The following SV2B variants were observed in gnomAD, a reference collection of about 807,000 sequenced individuals.
SV2B encodes synaptic vesicle glycoprotein 2B.
A neutral mutation model predicts 73.9 loss-of-function variants in SV2B; 41 were observed. That is an observed-to-expected ratio of 0.56 (90% CI 0.43 to 0.72). SV2B has a LOEUF of 0.72. Ranked by LOEUF, SV2B falls within the 30% of genes least tolerant of loss-of-function variation. The pLI is 0.00. For synonymous variants in SV2B, 314 were observed against 314.2 expected (o/e 1.00, Z 0.01); for missense variants, 764 against 857.8 (o/e 0.89, Z 1.37).
rs371080571 is a variant in SV2B, at chr15:91,245,263, C to T, written c.452-6556C>T. ...GTTGATCTCCTTCGATCTCATGATT[C>T]GATTTCTTGGAATCTATTCTGAGCA... On this transcript the variant is annotated intron_variant, in intron 2 of 12. Coordinates refer to ENST00000394232, the MANE Select transcript of SV2B (RefSeq NM_001323032.3). This position sits in a 1 kb window ranked among gnomAD's most constrained non-coding sequence, Gnocchi z 4.2. 1.4e-4 allele frequency among the ~76,000 whole-genome samples: 22 copies of T among 152,262 alleles called. No homozygotes were observed. The highest frequency in any genetic ancestry group is 1.4e-3 in the East Asian group (7 of 5,178).
intron 1 of SV2B, among the ~76,000 whole-genome samples, chr15:91,101,328 C>T (rs559852177): frequency 6.6e-6 from 1 of 152,222 alleles, no homozygotes; most frequent in African/African-American, 2.4e-5. Context: ...TGTGTTTCTG[C>T]TTCCTGCCCT....
chr15:91,150,354 G>A (rs962105871), intron 1 of SV2B, among the ~76,000 whole-genome samples: 4 of 152,146 alleles, frequency 2.6e-5, no homozygotes, highest in African/African-American at 7.2e-5. Flanking sequence ...ACAGCTGTTG[G>A]TAGGGTTTGG....
chr15:91,185,059 T>C (rs1421837847), intron 1 of SV2B, among the ~76,000 whole-genome samples: 2 of 152,220 alleles, frequency 1.3e-5, no homozygotes, highest in Non-Finnish European at 2.9e-5. Flanking sequence ...TCCATCCAAT[T>C]GAATATCAGT....
intron 1 of SV2B, among the ~76,000 whole-genome samples, chr15:91,184,810 A>C (rs567229850): frequency 1.3e-5 from 2 of 152,342 alleles, no homozygotes; most frequent in African/African-American, 4.8e-5. Context: ...TGCTGGTTTA[A>C]AAACTCTAAG....
chr15:91,196,966 A>G (rs1377699033), intron 1 of SV2B, among the ~76,000 whole-genome samples: 1 of 152,180 alleles, frequency 6.6e-6, no homozygotes, highest in African/African-American at 2.4e-5. Context: ...ACACTTCACA[A>G]ACAGCACTGC....
rs2042400954 is a variant in SV2B, at chr15:91,123,709, G to C, written c.-392+23346G>C. On this transcript the variant is annotated intron_variant, in intron 1 of 12. Transcript: ENST00000394232. The surrounding 1 kb of genome is among the most constrained non-coding windows in gnomAD (Gnocchi z 4.7). The stretch of plus-strand genomic sequence containing the variant: ...AGTAGACGTGAGGAGCGGTAGAGTT[G>C]TGATGCAGGTCTTCGGACTCCTCAT... 6.6e-6 allele frequency among the ~76,000 whole-genome samples: 1 copy of C among 152,188 alleles called. No individual in the cohort carries two copies. Among genetic ancestry groups the C allele is most frequent in the African/African-American group, 2.4e-5 (1 of 41,452 alleles).
intron 1 of SV2B, among the ~76,000 whole-genome samples, chr15:91,182,875 C>T (rs752351265): frequency 5.9e-5 from 9 of 152,172 alleles, no homozygotes; most frequent in African/African-American, 1.2e-4. Context: ...CACACAACTG[C>T]CAAGTTTGGA....
chr15:91,193,786 G>T (rs913682140), intron 1 of SV2B, among the ~76,000 whole-genome samples: 4 of 152,262 alleles, frequency 2.6e-5, no homozygotes, highest in Admixed American at 1.3e-4. Context: ...CACTGGAATG[G>T]ACTTAAATGA....
Position 91,255,433 on chromosome 15 carries a change from G to A in SV2B, c.784+2913G>A, listed in dbSNP as rs536519561. ...GGAGCTAAGCTATGAGGATGCAAAG[G>A]CATAAGAATGACACAAGGGACTCTG... On this transcript the variant is annotated intron_variant, in intron 4 of 12. Transcript: ENST00000394232. Among the ~76,000 whole-genome samples the A allele has an allele frequency of 3.9e-5, 6 of 152,266 alleles. No homozygotes were observed. In the South Asian group the frequency reaches 1.2e-3, roughly 32 times the overall value.
chr15:91,187,198 G>A (rs2044806102), intron 1 of SV2B, among the ~76,000 whole-genome samples: 1 of 152,184 alleles, frequency 6.6e-6, no homozygotes, highest in South Asian at 2.1e-4. Flanking sequence ...ATTGTTGGAG[G>A]TGAATAATTT....
rs1168280576 is a variant in SV2B at position 91,123,761 on chromosome 15, G to A, written c.-392+23398G>A. On this transcript the variant is annotated intron_variant, in intron 1 of 12. Transcript: ENST00000394232. This position sits in a 1 kb window ranked among gnomAD's most constrained non-coding sequence, Gnocchi z 4.7. Reference sequence around the variant, plus strand: ...CACTACTCCTTTCTCTATTCTGGGCGTGTCTTCACTGAAGGTCTCCAGAGA... The same window carrying A: ...CACTACTCCTTTCTCTATTCTGGGCATGTCTTCACTGAAGGTCTCCAGAGA... Among the ~76,000 whole-genome samples, 3 of 152,152 alleles carry A rather than the reference G, an allele frequency of 2.0e-5. No individual in the cohort carries two copies. Among genetic ancestry groups the A allele is most frequent in the South Asian group, 2.1e-4 (1 of 4,830 alleles).
In SV2B at chr15:91,100,856, G is replaced by T. The variant is rs2041703042; in HGVS notation, c.-392+493G>T. 6.6e-6 allele frequency among the ~76,000 whole-genome samples: 1 copy of T among 152,224 alleles called. No individual in the cohort carries two copies. The highest frequency in any genetic ancestry group is 6.5e-5 in the Admixed American group (1 of 15,278). On this transcript the variant is annotated intron_variant, in intron 1 of 12. Transcript: ENST00000394232. The surrounding 1 kb of genome is among the most constrained non-coding windows in gnomAD (Gnocchi z 6.4). Reference sequence around the variant, plus strand: ...TGTATGTGCAGGGCGCCCTCCGTGGGCGTGGGAGCCGTTTCTTAGGGACAC... The same window carrying T: ...TGTATGTGCAGGGCGCCCTCCGTGGTCGTGGGAGCCGTTTCTTAGGGACAC...
In SV2B at chr15:91,241,830, A is replaced by T. The variant is rs533791017; in HGVS notation, c.452-9989A>T. Among the ~76,000 whole-genome samples the T allele has an allele frequency of 3.8e-4, 58 of 152,280 alleles. No homozygotes were observed. The South Asian group carries it at 7.3e-3, about 19-fold the overall frequency. Reference sequence around the variant, plus strand: ...TTTATCTCTCTATGGAATCATTCCCACCAGCACACTACACATTTCTTCAGT... The same window carrying T: ...TTTATCTCTCTATGGAATCATTCCCTCCAGCACACTACACATTTCTTCAGT... On this transcript the variant is annotated intron_variant, in intron 2 of 12. Coordinates refer to ENST00000394232, the MANE Select transcript of SV2B (RefSeq NM_001323032.3). The surrounding 1 kb of genome is among the most constrained non-coding windows in gnomAD (Gnocchi z 4.8).
chr15:91,193,071 CT>C (rs2045103206), intron 1 of SV2B, among the ~76,000 whole-genome samples: 1 of 152,232 alleles, frequency 6.6e-6, no homozygotes, highest in Admixed American at 6.5e-5. Flanking sequence ...GTCCCTTCGA[CT>C]CAGTTCAGCA....
chr15:91,198,344 A>C (rs2045328787), intron 1 of SV2B, among the ~76,000 whole-genome samples: 1 of 152,190 alleles, frequency 6.6e-6, no homozygotes, highest in African/African-American at 2.4e-5. Context: ...GCTTTCATCA[A>C]GGCACCAAGG....
intron 1 of SV2B, among the ~76,000 whole-genome samples, chr15:91,163,967 C>T (rs1255903721): frequency 1.3e-5 from 2 of 152,202 alleles, no homozygotes; most frequent in Non-Finnish European, 2.9e-5. Context: ...GATCCAGTTT[C>T]AGCTTTCTAC....
rs1052290678 is a variant in SV2B, at chr15:91,141,985, G to A, written c.-392+41622G>A. Among the ~76,000 whole-genome samples, 18 of 152,092 alleles carry A rather than the reference G, an allele frequency of 1.2e-4. No individual in the cohort carries two copies. The highest frequency in any genetic ancestry group is 4.3e-4 in the African/African-American group (18 of 41,410). Reference sequence around the variant, plus strand: ...ACAAAGAGAGCAGGGAGGCAGAGAGGTAAGATACACGGCTTTGCAGGAACT... The same window carrying A: ...ACAAAGAGAGCAGGGAGGCAGAGAGATAAGATACACGGCTTTGCAGGAACT... On this transcript the variant is annotated intron_variant, in intron 1 of 12. Coordinates refer to ENST00000394232, the MANE Select transcript of SV2B (RefSeq NM_001323032.3). This position sits in a 1 kb window ranked among gnomAD's most constrained non-coding sequence, Gnocchi z 4.6.
intron 11 of SV2B, among the ~76,000 whole-genome samples, chr15:91,286,411 T>G (rs2048862415): frequency 6.6e-6 from 1 of 152,186 alleles, no homozygotes; most frequent in African/African-American, 2.4e-5. Flanking sequence ...TTTTCCTGAT[T>G]AGGCTGCTAC....
intron 1 of SV2B, among the ~76,000 whole-genome samples, chr15:91,161,034 G>T (rs574974522): frequency 1.3e-5 from 2 of 149,664 alleles, no homozygotes; most frequent in Non-Finnish European, 1.5e-5. Flanking sequence ...CAAAACATAC[G>T]CTAAATGAAA....
Sources: allele counts gnomAD v4.1 joint callset (sites outside exome capture counted in the v4.1 genomes callset), GRCh38; gene constraint gnomAD v4.1.1; non-coding constraint Gnocchi (gnomAD v3.1); transcripts MANE v1.5; gene names NCBI Gene and HGNC (gene_info 2026-07-23, HGNC 2026-07-21).